KCND2: variants seen among roughly 807,000 people sequenced by gnomAD.
The protein encoded by KCND2 is A-type voltage-gated potassium channel KCND2.
In KCND2, 16 loss-of-function variants were observed where a neutral mutation model predicts 54.4. The observed-to-expected ratio is 0.29, with a 90% confidence interval of 0.20 to 0.45. The LOEUF (loss-of-function observed/expected upper bound fraction) is 0.45, where lower values mean the gene tolerates loss of function less well. KCND2 is among the 20% of genes least tolerant of loss of function. The probability of loss-of-function intolerance (pLI) is 1.00; values close to 1 mark genes in which losing one functional copy is unlikely to be tolerated. For missense variants in KCND2, 486 were observed against 824.2 expected, an observed-to-expected ratio of 0.59 and a Z score of 5.02; for synonymous variants, 317 against 310.7, an observed-to-expected ratio of 1.02 and a Z score of -0.21.
intron 1 of KCND2, among the ~76,000 whole-genome samples, chr7:120,627,350 A>G (rs1022692558): frequency 6.6e-6 from 1 of 152,192 alleles, no homozygotes; most frequent in Admixed American, 6.5e-5. Flanking sequence ...ATTCTTTGCT[A>G]AAAGGAATAA....
chr7:120,649,032 G>A (rs909992302), intron 1 of KCND2, among the ~76,000 whole-genome samples: 13 of 152,112 alleles, frequency 8.5e-5, no homozygotes, highest in African/African-American at 3.1e-4. Context: ...TAGATTCATA[G>A]TCTCATTGAC....
At chr7:120,718,339 A>G (rs1336594645) in intron 1 of KCND2, among the ~76,000 whole-genome samples, 4 of 152,168 alleles carry the variant, frequency 2.6e-5, no homozygotes, top group Non-Finnish European at 5.9e-5. Context: ...CATACGGCCC[A>G]CAGGTCAAAT....
chr7:120,551,224 A>G (rs754981397), intron 1 of KCND2, among the ~76,000 whole-genome samples: 40 of 152,360 alleles, frequency 2.6e-4, no homozygotes, highest in Non-Finnish European at 5.6e-4. Flanking sequence ...CATTTTAAGC[A>G]TATAAAAATT....
intron 1 of KCND2, among the ~76,000 whole-genome samples, chr7:120,617,926 G>T (rs1278541808): frequency 2.0e-5 from 3 of 152,116 alleles, no homozygotes; most frequent in Non-Finnish European, 2.9e-5. Flanking sequence ...GAAAACTACC[G>T]CATGTTCTCA....
At chr7:120,608,272 A>G (rs1338341417) in intron 1 of KCND2, among the ~76,000 whole-genome samples, 1 of 152,124 alleles carries the variant, frequency 6.6e-6, no homozygotes, top group Non-Finnish European at 1.5e-5. Flanking sequence ...TTTAAGACTT[A>G]CTTGTTTTAG....
intron 1 of KCND2, among the ~76,000 whole-genome samples, chr7:120,563,543 A>T (rs916470892): frequency 6.6e-6 from 1 of 152,158 alleles, no homozygotes; most frequent in Non-Finnish European, 1.5e-5. Flanking sequence ...AGACCTAGGG[A>T]TCATTCTGAA....
chr7:120,640,363 T>C (rs1324036092), intron 1 of KCND2, among the ~76,000 whole-genome samples: 1 of 152,204 alleles, frequency 6.6e-6, no homozygotes, highest in Non-Finnish European at 1.5e-5. Context: ...TCAATAGGCT[T>C]CTTGAACCCT....
In KCND2 at chr7:120,749,198, A is replaced by G. The variant is rs1793043097; in HGVS notation, c.*1340A>G. 1 of 151,936 alleles carries G rather than the reference A, an allele frequency of 6.6e-6. No individual in the cohort carries two copies. Among genetic ancestry groups the G allele is most frequent in the Non-Finnish European group, 1.5e-5 (1 of 67,864 alleles). The allele number at this position is 151,936 out of a possible 1,614,324, so 9.4% of individuals were successfully genotyped here. A position where few individuals can be genotyped will look rare whatever the true frequency, so the allele number is the denominator to read the frequency against. ...ATGTAGAGATACACTGGAGTGCTTT[A>G]TTTAGCAATATTTGATGAAAGCATG... On this transcript the variant is annotated 3_prime_UTR_variant, in exon 6 of 6. Transcript: ENST00000331113.
At chr7:120,283,076 T>G (rs1470310321) in intron 1 of KCND2, among the ~76,000 whole-genome samples, 1 of 152,186 alleles carries the variant, frequency 6.6e-6, no homozygotes, top group Admixed American at 6.6e-5. Flanking sequence ...GGTTGGCATT[T>G]AAGCCAATGG....
intron 1 of KCND2, among the ~76,000 whole-genome samples, chr7:120,381,159 G>A (rs147802708): frequency 6.7e-4 from 102 of 152,080 alleles, no homozygotes; most frequent in African/African-American, 2.0e-3. Flanking sequence ...GGAGGCTGAG[G>A]CAGGAGAATC....
chr7:120,356,641 A>G (rs1800510547), intron 1 of KCND2, among the ~76,000 whole-genome samples: 1 of 152,134 alleles, frequency 6.6e-6, no homozygotes, highest in Non-Finnish European at 1.5e-5. Context: ...TAGATAAGTC[A>G]AGAAATAACA....
intron 1 of KCND2, among the ~76,000 whole-genome samples, chr7:120,509,335 TATAAG>T (rs1187308920): frequency 6.6e-6 from 1 of 152,066 alleles, no homozygotes; most frequent in Non-Finnish European, 1.5e-5. Flanking sequence ...GCCATAAGAA[TATAAG>T]ATGTTAATAA....
chr7:120,544,190 TAA>T (rs775017810), intron 1 of KCND2, among the ~76,000 whole-genome samples: 3 of 151,936 alleles, frequency 2.0e-5, no homozygotes, highest in Non-Finnish European at 4.4e-5. Flanking sequence ...ACAAATTTCT[TAA>T]AAGAGTTGAG....
chr7:120,682,618 G>C lies in KCND2; in HGVS notation c.1116-50285G>C, dbSNP rs1056976540. Among the ~76,000 whole-genome samples the C allele has an allele frequency of 2.0e-5, 3 of 152,080 alleles. No homozygotes were observed. In the East Asian group the frequency reaches 5.8e-4, roughly 29 times the overall value. ...TATTGAAAGACAGTGCAGTCTTTCTGTACTGCAACATTATACAGTGAAAGC... is the reference window on the plus strand; with the variant it reads ...TATTGAAAGACAGTGCAGTCTTTCTCTACTGCAACATTATACAGTGAAAGC... On this transcript the variant is annotated intron_variant, in intron 1 of 5. Transcript: ENST00000331113.
At chr7:120,317,780 CATT>C (rs1166966228) in intron 1 of KCND2, among the ~76,000 whole-genome samples, 2 of 152,074 alleles carry the variant, frequency 1.3e-5, no homozygotes, top group Non-Finnish European at 2.9e-5. Flanking sequence ...TAAGTGTACT[CATT>C]ATTGTCTATA....
At chr7:120,352,997 A>G (rs1800437662) in intron 1 of KCND2, among the ~76,000 whole-genome samples, 1 of 152,132 alleles carries the variant, frequency 6.6e-6, no homozygotes, top group Non-Finnish European at 1.5e-5. Flanking sequence ...GCGAATTGAC[A>G]AAATAATAAT....
At chr7:120,446,190 G>T (rs1802016334) in intron 1 of KCND2, among the ~76,000 whole-genome samples, 1 of 152,210 alleles carries the variant, frequency 6.6e-6, no homozygotes, top group African/African-American at 2.4e-5. Flanking sequence ...TGTTTGCAGT[G>T]CTGCTAGTCC....
At chr7:120,465,002 C>A (rs1802347329) in intron 1 of KCND2, among the ~76,000 whole-genome samples, 1 of 152,056 alleles carries the variant, frequency 6.6e-6, no homozygotes, top group African/African-American at 2.4e-5. Context: ...CAGTAAAACC[C>A]CTTTTGCCAT....
intron 1 of KCND2, among the ~76,000 whole-genome samples, chr7:120,513,038 C>T (rs889647535): frequency 6.6e-6 from 1 of 152,020 alleles, no homozygotes; most frequent in African/African-American, 2.4e-5. Flanking sequence ...TCAAGTGATT[C>T]ACCCACTGCC....
Sources: allele counts gnomAD v4.1 joint callset (sites outside exome capture counted in the v4.1 genomes callset), GRCh38; gene constraint gnomAD v4.1.1; transcripts MANE v1.5; gene names NCBI Gene and HGNC (gene_info 2026-07-23, HGNC 2026-07-21).